Variants in BIRC6 observed in about 807,000 individuals in gnomAD.
BIRC6 encodes the protein dual E2 ubiquitin-conjugating enzyme/E3 ubiquitin-protein ligase BIRC6.
BIRC6 carries 98 observed loss-of-function variants against 503.3 expected under a neutral mutation model. The ratio of observed to expected loss-of-function variants is 0.19; its 90% CI spans 0.17 to 0.23. The LOEUF is 0.23. Among genes scored for constraint, BIRC6 ranks in the 10% least tolerant of loss-of-function variants. The pLI, the probability that BIRC6 is intolerant of heterozygous loss-of-function variation, is 1.00. For synonymous variants in BIRC6, 2,240 were observed against 2,078.7 expected (o/e 1.08, Z -2.11); for missense variants, 5,360 against 5,806.0 (o/e 0.92, Z 2.50).
At chr2:32,391,390 C>G (rs912540294) in intron 4 of BIRC6, among the ~76,000 whole-genome samples, 1 of 151,976 alleles carries the variant, frequency 6.6e-6, no homozygotes, top group African/African-American at 2.4e-5. Flanking sequence ...GGTAATATAA[C>G]GAAATGAGAT....
At chr2:32,421,681 A>T (rs575413820) in intron 10 of BIRC6, among the ~76,000 whole-genome samples, 1 of 152,116 alleles carries the variant, frequency 6.6e-6, no homozygotes, top group Non-Finnish European at 1.5e-5. Context: ...ACTTATTTCC[A>T]TTGCTGTCAG....
chr2:32,430,987 G>A lies in BIRC6; in HGVS notation c.3145G>A (p.Val1049Ile). ...SATVPPCWVE[V>I]QQEQQQRRHP... ...GACTGTTCCTCCATGCTGGGTAGAA[G>A]TTCAACAAGAACAGCAGCAAAGGAG... is the stretch of plus-strand genomic sequence containing the variant. Residue 1049 changes from valine (V) to isoleucine (I), a missense_variant, in exon 12 of 74, where the codon GTT becomes ATT. Transcript: ENST00000421745. 2.5e-6 allele frequency: 4 copies of A among 1,613,148 alleles called. No homozygotes were observed. Among genetic ancestry groups the A allele is most frequent in the South Asian group, 1.1e-5 (1 of 91,072 alleles).
chr2:32,473,007 C>G lies in BIRC6; in HGVS notation c.6593-105C>G, dbSNP rs902479441. ...TGTTTTTCTTATTAAAACTGCTTTTCATGATTGACACATGTATAACTGTGT... is the reference window on the plus strand; with the variant it reads ...TGTTTTTCTTATTAAAACTGCTTTTGATGATTGACACATGTATAACTGTGT... On this transcript the variant is annotated intron_variant, in intron 32 of 73. Transcript: ENST00000421745. The G allele has an allele frequency of 1.0e-5, 10 of 952,434 alleles. No individual in the cohort carries two copies. The African/African-American group carries it at 1.7e-4, about 16-fold the overall frequency. The allele number at this position is 952,434 out of a possible 1,614,324, so 59.0% of individuals were successfully genotyped here. A position where few individuals can be genotyped will look rare whatever the true frequency, so the allele number is the denominator to read the frequency against.
chr2:32,386,592 A>G (rs541633394), intron 3 of BIRC6, among the ~76,000 whole-genome samples: 222 of 152,174 alleles, frequency 1.5e-3, no homozygotes, highest in African/African-American at 4.6e-3. Flanking sequence ...TGACAAGTGC[A>G]TGCCATCACG....
chr2:32,400,306 T>C (rs1004619584), intron 6 of BIRC6, among the ~76,000 whole-genome samples: 1 of 151,636 alleles, frequency 6.6e-6, no homozygotes, highest in African/African-American at 2.4e-5. Flanking sequence ...TATTATTTTA[T>C]TCATACTAGA....
Position 32,413,743 on chromosome 2 carries a change from G to A in BIRC6, c.1478-1026G>A, listed in dbSNP as rs376782611. ...AAAAAACAGCCTGGTATTTATGGGG[G>A]ATTGGTTCCAGGACCCTCTCTAGAT... On this transcript the variant is annotated intron_variant, in intron 9 of 73. Coordinates refer to ENST00000421745, the MANE Select transcript of BIRC6 (RefSeq NM_016252.4). 1.8e-4 allele frequency among the ~76,000 whole-genome samples: 27 copies of A among 151,840 alleles called. No individual in the cohort carries two copies. In the East Asian group the frequency reaches 3.3e-3, roughly 18 times the overall value.
chr2:32,544,855 T>C (rs1162873165), intron 62 of BIRC6, among the ~76,000 whole-genome samples: 1 of 152,076 alleles, frequency 6.6e-6, no homozygotes, highest in East Asian at 1.9e-4. Flanking sequence ...GTCAGGAATT[T>C]CTAATTACTT....
In BIRC6 at chr2:32,394,980, C is replaced by G. The variant is rs148872404; in HGVS notation, c.952-531C>G. Among the ~76,000 whole-genome samples, 1,118 of 152,212 alleles carry G rather than the reference C, an allele frequency of 7.3e-3. 8 individuals are homozygous for G. Among genetic ancestry groups the G allele is most frequent in the Middle Eastern group, 0.02 (6 of 294 alleles). On this transcript the variant is annotated intron_variant, in intron 5 of 73. Transcript: ENST00000421745. ...CCTGGCTAACACGGTGAAACCCCAT[C>G]TCTACTAAAAATACAAAAAAAATTA...
chr2:32,369,942 AAAAATATATATATATATATATATATATAT>A (rs1262518883), intron 1 of BIRC6, among the ~76,000 whole-genome samples: 4 of 34,314 alleles, frequency 1.2e-4, no homozygotes, highest in Non-Finnish European at 1.5e-4. Context: ...AAAAAAAAAA[AAAAATATATATATATATATATATATATAT>A]ATATATATAT....
intron 37 of BIRC6, 39 bp downstream of exon 37, chr2:32,479,656 A>G: frequency 7.0e-7 from 1 of 1,435,526 alleles, no homozygotes. Context: ...ATTCTATTAA[A>G]TGGAAACATG....
chr2:32,498,107 G>T (rs1023397853), intron 45 of BIRC6, among the ~76,000 whole-genome samples: 1 of 152,092 alleles, frequency 6.6e-6, no homozygotes, highest in Non-Finnish European at 1.5e-5. Flanking sequence ...TGTCGCACAG[G>T]TTGGAGCGTA....
chr2:32,386,442 C>CTTTTTTT (rs752857568), intron 3 of BIRC6, among the ~76,000 whole-genome samples: 1 of 147,820 alleles, frequency 6.8e-6, no homozygotes. Flanking sequence ...AAGTCTCTCT[C>CTTTTTTT]TCTTTTTTTT....
intron 70 of BIRC6, among the ~76,000 whole-genome samples, chr2:32,601,334 C>T (rs1196718562): frequency 6.6e-6 from 1 of 152,230 alleles, no homozygotes; most frequent in Non-Finnish European, 1.5e-5. Flanking sequence ...ATAATCCCAG[C>T]ACTTTGGGAG....
intron 33 of BIRC6, among the ~76,000 whole-genome samples, chr2:32,475,280 T>C (rs868759695): frequency 1.3e-5 from 2 of 152,306 alleles, no homozygotes; most frequent in Middle Eastern, 6.8e-3. Flanking sequence ...TATACCTTTC[T>C]AGTACTTTAT....
chr2:32,376,037 T>C (rs1430142530), intron 1 of BIRC6, among the ~76,000 whole-genome samples: 1 of 151,772 alleles, frequency 6.6e-6, no homozygotes, highest in African/African-American at 2.4e-5. Context: ...TACAAAAAAA[T>C]TAGCCGGGTG....
Position 32,439,754 on chromosome 2 carries a change from A to G in BIRC6, c.3810+68A>G, listed in dbSNP as rs144064176. On this transcript the variant is annotated intron_variant, in intron 16 of 73. Transcript: ENST00000421745. ...CATTGTGGATCAGATTTAACACACT[A>G]TTAGAAGTAGTATGACCTTTCAGTG... 1.2e-3 allele frequency: 1,645 copies of G among 1,407,740 alleles called. 16 individuals are homozygous for G. In the African/African-American group the frequency reaches 0.021, roughly 18 times the overall value. 87.2% of individuals were successfully genotyped at this position (1,407,740 alleles called of 1,614,324 possible).
Position 32,524,923 on chromosome 2 carries a change from C to A in BIRC6, c.11659C>A (p.Gln3887Lys). The A allele has an allele frequency of 6.6e-7, 1 of 1,512,240 alleles. No homozygotes were observed. Among genetic ancestry groups the A allele is most frequent in the South Asian group, 1.3e-5 (1 of 76,564 alleles). 93.7% of individuals were successfully genotyped at this position (1,512,240 alleles called of 1,614,324 possible). A position where few individuals can be genotyped will look rare whatever the true frequency, so the allele number is the denominator to read the frequency against. The change falls in exon 58 of 74, where the codon CAA becomes AAA. Residue 3887 changes from glutamine (Q) to lysine (K), a missense_variant. By Grantham distance (53) the Gln-to-Lys change is moderately conservative. Around this residue, in one of 16 missense-constraint regions of BIRC6, gnomAD observed 878 missense variants for 928.9 expected, o/e 0.95. Coordinates refer to ENST00000421745, the MANE Select transcript of BIRC6 (RefSeq NM_016252.4). ...PSITAKLISEQKDDKEKKNHE... is the reference protein window; with the variant it reads ...PSITAKLISEKKDDKEKKNHE... ...TATCACAGCTAAATTAATTAGTGAA[C>A]AAAAAGATGACAAAGAAAAGAAAAA...
At chr2:32,406,294 G>C (rs954255475) in intron 8 of BIRC6, among the ~76,000 whole-genome samples, 2 of 152,060 alleles carry the variant, frequency 1.3e-5, no homozygotes, top group African/African-American at 4.8e-5. Flanking sequence ...TACACGGGAG[G>C]CTGAGGCAGG....
intron 69 of BIRC6, among the ~76,000 whole-genome samples, chr2:32,599,041 A>AG (rs1472523495): frequency 6.8e-6 from 1 of 148,132 alleles, no homozygotes; most frequent in Non-Finnish European, 1.5e-5. Context: ...AAAAAAAAAA[A>AG]AAAAAGGCCT....
Sources: allele counts gnomAD v4.1 joint callset (sites outside exome capture counted in the v4.1 genomes callset), GRCh38; gene constraint gnomAD v4.1.1; regional missense constraint gnomAD v4.1.1; transcripts MANE v1.5; gene names NCBI Gene and HGNC (gene_info 2026-07-23, HGNC 2026-07-21).